BMPR1B: variants seen among roughly 807,000 people sequenced by gnomAD.
BMPR1B encodes the protein bone morphogenetic protein receptor type-1B.
Under a neutral mutation model 59.1 loss-of-function variants are expected in BMPR1B, and 12 were observed. The observed-to-expected ratio is 0.20, with a 90% CI of 0.13 to 0.33. The LOEUF (loss-of-function observed/expected upper bound fraction) is 0.33, where lower values mean the gene tolerates loss of function less well. BMPR1B is among the 10% of genes least tolerant of loss of function. The probability of loss-of-function intolerance (pLI) is 1.00; values close to 1 mark genes in which losing one functional copy is unlikely to be tolerated. For synonymous variants in BMPR1B, 237 were observed against 207.3 expected (o/e 1.14, Z -1.23); for missense variants, 550 against 610.9 (o/e 0.90, Z 1.05).
chr4:95,135,403 T>G (rs1379280411), intron 10 of BMPR1B, among the ~76,000 whole-genome samples: 1 of 152,132 alleles, frequency 6.6e-6, no homozygotes, highest in Non-Finnish European at 1.5e-5. Context: ...GTGAAGAAAG[T>G]CATTGGTAGC....
At chr4:94,770,930 C>T (rs368263783) in intron 1 of BMPR1B, among the ~76,000 whole-genome samples, 1 of 150,416 alleles carries the variant, frequency 6.6e-6, no homozygotes, top group Admixed American at 6.7e-5. Context: ...GACCCCCTCC[C>T]ATGATTATAT....
intron 2 of BMPR1B, among the ~76,000 whole-genome samples, chr4:94,964,946 G>T (rs576845816): frequency 1.3e-5 from 2 of 152,112 alleles, no homozygotes; most frequent in African/African-American, 4.8e-5. Flanking sequence ...CCTTGCCCCT[G>T]CCTATTCTAA....
At chr4:95,048,047 C>T (rs978720710) in intron 3 of BMPR1B, among the ~76,000 whole-genome samples, 1 of 152,072 alleles carries the variant, frequency 6.6e-6, no homozygotes, top group African/African-American at 2.4e-5. Flanking sequence ...TGAGAACATG[C>T]AATAATAGGG....
intron 2 of BMPR1B, among the ~76,000 whole-genome samples, chr4:94,984,212 T>C (rs1403213745): frequency 6.6e-6 from 1 of 152,214 alleles, no homozygotes; most frequent in Non-Finnish European, 1.5e-5. Flanking sequence ...TTTTCATCAC[T>C]CACTTGGGAC....
chr4:94,893,205 G>T (rs183964435), intron 2 of BMPR1B, among the ~76,000 whole-genome samples: 2 of 152,006 alleles, frequency 1.3e-5, no homozygotes, highest in African/African-American at 2.4e-5. Context: ...GAAAAATAAT[G>T]AGTCATAACA....
chr4:95,091,462 T>C (rs1729982913), intron 3 of BMPR1B: 30 of 985,346 alleles, frequency 3.0e-5, no homozygotes, highest in Non-Finnish European at 3.5e-5. Context: ...AACCACAGTC[T>C]GGGCTGCATT....
chr4:94,788,946 A>G (rs1393585317), intron 1 of BMPR1B, among the ~76,000 whole-genome samples: 1 of 152,042 alleles, frequency 6.6e-6, no homozygotes, highest in East Asian at 1.9e-4. Context: ...ACCTTCTATC[A>G]CATCTATCCC....
intron 3 of BMPR1B, among the ~76,000 whole-genome samples, chr4:95,004,889 AT>A (rs1235760512): frequency 1.3e-5 from 2 of 152,130 alleles, no homozygotes; most frequent in Non-Finnish European, 2.9e-5. Context: ...GTTGTTGTTT[AT>A]TTGTTTTAAA....
In BMPR1B at chr4:95,158,392, G is replaced by C. The variant is rs886059747; in HGVS notation, c.*3719G>C. 3 of 152,158 alleles carry C rather than the reference G, an allele frequency of 2.0e-5. No homozygotes were observed. The East Asian group carries it at 5.8e-4, about 29-fold the overall frequency. The allele number at this position is 152,158 out of a possible 1,614,324, so 9.4% of individuals were successfully genotyped here. A position where few individuals can be genotyped will look rare whatever the true frequency, so the allele number is the denominator to read the frequency against. ...ATTGTATTTGTTACAGATTGTATAT[G>C]GCTTTGTTTTAACATTCCCCTAAAT... On this transcript the variant is annotated 3_prime_UTR_variant, in exon 13 of 13. Transcript: ENST00000515059.
At chr4:94,877,066 C>T (rs957444717) in intron 2 of BMPR1B, among the ~76,000 whole-genome samples, 2 of 152,082 alleles carry the variant, frequency 1.3e-5, no homozygotes, top group African/African-American at 4.8e-5. Context: ...TGTTTTTCCC[C>T]TGGCTAAGTG....
chr4:95,114,856 T>C, intron 5 of BMPR1B, 34 bp downstream of exon 5: 1 of 1,536,282 alleles, frequency 6.5e-7, no homozygotes, highest in Non-Finnish European at 9.0e-7. Context: ...TAACCTTTCA[T>C]TGGCTAGATT....
intron 3 of BMPR1B, among the ~76,000 whole-genome samples, chr4:95,068,735 C>G (rs1728042785): frequency 6.6e-6 from 1 of 152,260 alleles, no homozygotes; most frequent in African/African-American, 2.4e-5. Context: ...GCCATTGTTT[C>G]CTTTGTTATT....
At chr4:95,084,218 TATAA>T (rs1472478046) in intron 3 of BMPR1B, among the ~76,000 whole-genome samples, 6 of 151,086 alleles carry the variant, frequency 4.0e-5, no homozygotes, top group Admixed American at 6.6e-5. Context: ...TATACACATG[TATAA>T]ATAGATTTAT....
intron 3 of BMPR1B, among the ~76,000 whole-genome samples, chr4:95,071,646 GTGTGTGTATATATATATATA>G (rs1381360477): frequency 8.1e-5 from 7 of 86,584 alleles, no homozygotes; most frequent in African/African-American, 3.3e-4. Context: ...GTGTGTGTGT[GTGTGTGTATATATATATATA>G]TATATATATA....
At chr4:95,136,449 C>G (rs1023886855) in intron 10 of BMPR1B, among the ~76,000 whole-genome samples, 1 of 152,204 alleles carries the variant, frequency 6.6e-6, no homozygotes, top group Non-Finnish European at 1.5e-5. Context: ...AGGATTCCCT[C>G]TCTTTCTGTT....
chr4:95,120,610 T>TTCC (rs1732408864), intron 6 of BMPR1B, among the ~76,000 whole-genome samples: 3 of 122,586 alleles, frequency 2.4e-5, no homozygotes, highest in African/African-American at 8.9e-5. Flanking sequence ...ATAGCCTGCC[T>TTCC]TTCCTTCCTT....
intron 3 of BMPR1B, among the ~76,000 whole-genome samples, chr4:95,075,979 T>A (rs184469783): frequency 1.3e-5 from 2 of 152,274 alleles, no homozygotes; most frequent in Non-Finnish European, 2.9e-5. Flanking sequence ...GACCCAGGCA[T>A]TGAACTATGA....
intron 2 of BMPR1B, among the ~76,000 whole-genome samples, chr4:94,891,741 C>G (rs1320647867): frequency 6.6e-6 from 1 of 151,968 alleles, no homozygotes; most frequent in African/African-American, 2.4e-5. Context: ...CTAGGGCTTA[C>G]CAGATCAGTT....
chr4:94,770,991 A>G (rs1722166136), intron 1 of BMPR1B, among the ~76,000 whole-genome samples: 1 of 152,050 alleles, frequency 6.6e-6, no homozygotes, highest in Admixed American at 6.6e-5. Flanking sequence ...GACCTTAGAA[A>G]TTTGTCAAAT....
Sources: allele counts gnomAD v4.1 joint callset (sites outside exome capture counted in the v4.1 genomes callset), GRCh38; gene constraint gnomAD v4.1.1; transcripts MANE v1.5; gene names NCBI Gene and HGNC (gene_info 2026-07-23, HGNC 2026-07-21).